FOCAD: variants seen among roughly 807,000 people sequenced by gnomAD.
FOCAD encodes focadhesin.
A neutral mutation model predicts 225.6 loss-of-function variants in FOCAD; 198 were observed. That is an observed-to-expected ratio of 0.88 (90% CI 0.78 to 0.99). The LOEUF is 0.99. Ranked by LOEUF, FOCAD falls within the 50% of genes least tolerant of loss-of-function variation. The pLI is 0.00. For missense variants in FOCAD, 2,713 were observed against 2,123.6 expected, an observed-to-expected ratio of 1.28 and a Z score of -5.46; for synonymous variants, 897 against 755.0, an observed-to-expected ratio of 1.19 and a Z score of -3.08.
Position 20,981,623 on chromosome 9 carries a change from C to T in FOCAD, c.4575C>T (p.His1525=), listed in dbSNP as rs1482201501. 2 of 1,614,016 alleles carry T rather than the reference C, an allele frequency of 1.2e-6. No homozygotes were observed. Among genetic ancestry groups the T allele is most frequent in the South Asian group, 1.1e-5 (1 of 91,082 alleles). Residue 1525 remains histidine, a synonymous_variant, in exon 38 of 44, where the codon CAC becomes CAT. Coordinates refer to ENST00000338382, the MANE Select transcript of FOCAD (RefSeq NM_001375567.1). ...TGAAACTGCCCAGCCCTGCCCACCA[C>T]CTCTGGAGTCTGCTCTCTGAAGCTA... ...QAMKLPSPAH[H]LWSLLSEATG... is the part of the protein sequence containing the mutation.
chr9:20,778,653 A>G (rs1450699122), intron 8 of FOCAD, 28 bp from the exon 9 acceptor site: 8 of 1,306,458 alleles, frequency 6.1e-6, no homozygotes, highest in Non-Finnish European at 8.9e-6. Flanking sequence ...TTCTTTAACA[A>G]CTCCTTTTTC....
chr9:20,942,694 G>A (rs553582364), intron 28 of FOCAD, among the ~76,000 whole-genome samples: 71 of 152,132 alleles, frequency 4.7e-4, no homozygotes, highest in African/African-American at 1.6e-3. Flanking sequence ...GCCTGTATAC[G>A]CCAAGCAGTA....
intron 15 of FOCAD, among the ~76,000 whole-genome samples, chr9:20,844,725 C>T (rs1030902475): frequency 2.0e-5 from 3 of 151,814 alleles, no homozygotes; most frequent in Admixed American, 6.6e-5. Context: ...AAGCAGAGAT[C>T]GAAGTCACTT....
At chr9:20,659,209 G>A (rs905984243) in intron 2 of FOCAD, among the ~76,000 whole-genome samples, 20 of 151,484 alleles carry the variant, frequency 1.3e-4, no homozygotes, top group African/African-American at 4.6e-4. Flanking sequence ...AACAGAGTGA[G>A]ACTCTGCTCC....
upstream of FOCAD, among the ~76,000 whole-genome samples, chr9:20,682,164 C>T (rs529868704): frequency 6.6e-6 from 1 of 152,332 alleles, no homozygotes; most frequent in South Asian, 2.1e-4. Flanking sequence ...TCTGCTGGCA[C>T]CTTGCTTGGA....
At chr9:20,748,851 C>T (rs1177449718) in intron 5 of FOCAD, among the ~76,000 whole-genome samples, 1 of 152,108 alleles carries the variant, frequency 6.6e-6, no homozygotes, top group Non-Finnish European at 1.5e-5. Flanking sequence ...ATAAGCTGCA[C>T]CCATCATACA....
Position 20,939,402 on chromosome 9 carries a change from A to G in FOCAD, c.3408-5225A>G, listed in dbSNP as rs147660330. On this transcript the variant is annotated intron_variant, in intron 28 of 43. Transcript: ENST00000338382. ...CTCCTCTTACCACCCAAAGATGTTC[A>G]TTGTAGCTTAGCTCAAGATGTTATA... 2.2e-3 allele frequency among the ~76,000 whole-genome samples: 335 copies of G among 152,162 alleles called. 3 individuals are homozygous for G. The highest frequency in any genetic ancestry group is 7.4e-3 in the African/African-American group (307 of 41,528).
intron 5 of FOCAD, among the ~76,000 whole-genome samples, chr9:20,757,385 GT>G (rs961143902): frequency 3.3e-5 from 5 of 149,940 alleles, no homozygotes; most frequent in African/African-American, 4.9e-5. Context: ...TGTACTTTTT[GT>G]TTTTTTTTGG....
At chr9:20,759,998 C>T (rs868717585) in intron 6 of FOCAD, among the ~76,000 whole-genome samples, 1 of 152,232 alleles carries the variant, frequency 6.6e-6, no homozygotes, top group Non-Finnish European at 1.5e-5. Context: ...CTCAAAGCTA[C>T]TCCCCTTTCT....
At chr9:20,964,770 A>C (rs942810631) in intron 35 of FOCAD, among the ~76,000 whole-genome samples, 1 of 152,134 alleles carries the variant, frequency 6.6e-6, no homozygotes, top group South Asian at 2.1e-4. Flanking sequence ...TCTTGACCTC[A>C]TGATCCATCC....
chr9:20,808,408 A>C (rs1005452917), intron 11 of FOCAD, among the ~76,000 whole-genome samples: 4 of 152,244 alleles, frequency 2.6e-5, no homozygotes, highest in Non-Finnish European at 4.4e-5. Context: ...AGTGTGTGTG[A>C]GAATGAATAA....
chr9:20,719,904 G>A (rs1305459926), intron 3 of FOCAD, among the ~76,000 whole-genome samples: 1 of 151,594 alleles, frequency 6.6e-6, no homozygotes, highest in African/African-American at 2.4e-5. Flanking sequence ...GGCATTGTGG[G>A]TGGTGGTAAG....
rs188026502 is a variant in FOCAD, at chr9:20,730,321, A to G, written c.287+9787A>G. 1.5e-4 allele frequency among the ~76,000 whole-genome samples: 22 copies of G among 151,700 alleles called. No individual in the cohort carries two copies. The East Asian group carries it at 3.9e-3, about 27-fold the overall frequency. ...TATTACCTGAAATACTTCTATAAAG[A>G]GAATCTTCCCCATATCTACACCCAG... On this transcript the variant is annotated intron_variant, in intron 4 of 43. Transcript: ENST00000338382.
intron 2 of FOCAD, among the ~76,000 whole-genome samples, chr9:20,660,214 T>C (rs1821672004): frequency 6.6e-6 from 1 of 152,176 alleles, no homozygotes; most frequent in African/African-American, 2.4e-5. Flanking sequence ...TAATAGTAGT[T>C]ATGGTTAACA....
intron 6 of FOCAD, among the ~76,000 whole-genome samples, chr9:20,763,762 G>T (rs1829816809): frequency 6.6e-6 from 1 of 152,160 alleles, no homozygotes; most frequent in South Asian, 2.1e-4. Context: ...GATAAACAGA[G>T]GCCAAATGAT....
chr9:20,935,764 C>T (rs182879901), intron 28 of FOCAD, among the ~76,000 whole-genome samples: 11 of 152,182 alleles, frequency 7.2e-5, no homozygotes, highest in South Asian at 2.1e-4. Flanking sequence ...GGCCTTTGAC[C>T]GATGATTTAT....
intron 23 of FOCAD, among the ~76,000 whole-genome samples, chr9:20,914,647 G>A (rs1244707579): frequency 7.2e-5 from 11 of 152,146 alleles, no homozygotes; most frequent in Admixed American, 4.6e-4. Flanking sequence ...CATGGAGAGC[G>A]CAAGGATGGA....
At chr9:20,907,127 G>A (rs1260228682) in intron 21 of FOCAD, 23 bp from the exon 22 acceptor site, 4 of 1,563,534 alleles carry the variant, frequency 2.6e-6, no homozygotes, top group East Asian at 4.5e-5. Context: ...AGCCTAATAT[G>A]TTGTGGTACA....
chr9:20,695,255 T>C (rs973124001), intron 1 of FOCAD, among the ~76,000 whole-genome samples: 16 of 152,130 alleles, frequency 1.1e-4, no homozygotes, highest in Non-Finnish European at 2.1e-4. Flanking sequence ...CCATCACCCA[T>C]GAGGATACAA....
Sources: gnomAD v4.1 joint callset for allele counts (sites outside exome capture counted in the v4.1 genomes callset) on GRCh38, gnomAD v4.1.1 for gene constraint, MANE v1.5 for transcripts, NCBI Gene and HGNC (gene_info 2026-07-23, HGNC 2026-07-21) for gene names.